ORC5: variants seen among roughly 807,000 people sequenced by gnomAD.
The protein encoded by ORC5 is protein phosphatase 1, regulatory subunit 117.
ORC5 carries 39 observed loss-of-function variants against 58.8 expected under a neutral mutation model. That is an observed-to-expected ratio of 0.66 (90% CI 0.51 to 0.87). ORC5 has a LOEUF of 0.87. Ranked by LOEUF, ORC5 falls within the 40% of genes least tolerant of loss-of-function variation. ORC5 has a pLI of 0.00. For missense variants in ORC5, 493 were observed against 506.3 expected (o/e 0.97, Z 0.25); for synonymous variants, 218 against 177.6 (o/e 1.23, Z -1.81).
chr7:104,174,330 C>T (rs1204766583), intron 8 of ORC5, among the ~76,000 whole-genome samples: 1 of 152,182 alleles, frequency 6.6e-6, no homozygotes, highest in Non-Finnish European at 1.5e-5. Flanking sequence ...ATCTAAAACA[C>T]TGGTCCAAAT....
At chr7:104,203,917 T>C (rs778270443) in intron 2 of ORC5, among the ~76,000 whole-genome samples, 5 of 152,136 alleles carry the variant, frequency 3.3e-5, no homozygotes, top group Non-Finnish European at 7.4e-5. Flanking sequence ...ACTAAGTTTA[T>C]TGATGTGATT....
chr7:104,191,755 C>T (rs1482844876), intron 5 of ORC5, among the ~76,000 whole-genome samples: 1 of 151,814 alleles, frequency 6.6e-6, no homozygotes, highest in African/African-American at 2.4e-5. Context: ...AAGCTGAAAA[C>T]AGTGTATCAT....
chr7:104,185,383 A>G (rs1695016645), intron 6 of ORC5, among the ~76,000 whole-genome samples: 1 of 152,182 alleles, frequency 6.6e-6, no homozygotes, highest in Admixed American at 6.5e-5. Flanking sequence ...GTAACAAAGC[A>G]TAATTTGTTC....
intron 6 of ORC5, among the ~76,000 whole-genome samples, chr7:104,186,992 T>C (rs1455368191): frequency 6.6e-6 from 1 of 152,224 alleles, no homozygotes; most frequent in Non-Finnish European, 1.5e-5. Context: ...TATTTTCCCA[T>C]AAATATTTTC....
At chr7:104,164,080 C>A (rs77587909) in intron 11 of ORC5, among the ~76,000 whole-genome samples, 1 of 152,074 alleles carries the variant, frequency 6.6e-6, no homozygotes, top group South Asian at 2.1e-4. Flanking sequence ...ATTTTGCTAT[C>A]GAATTTTTGT....
At chr7:104,201,956 G>T (rs1799955823) in intron 2 of ORC5, among the ~76,000 whole-genome samples, 1 of 151,958 alleles carries the variant, frequency 6.6e-6, no homozygotes, top group African/African-American at 2.4e-5. Context: ...CAGGCCTGGT[G>T]GTGCACATCT....
chr7:104,174,521 G>C (rs1259206635), intron 8 of ORC5, among the ~76,000 whole-genome samples: 1 of 152,200 alleles, frequency 6.6e-6, no homozygotes, highest in African/African-American at 2.4e-5. Flanking sequence ...AATTGTTACA[G>C]AAGGCAGCTA....
intron 8 of ORC5, among the ~76,000 whole-genome samples, chr7:104,181,334 TC>T (rs1188980410): frequency 1.3e-5 from 2 of 152,188 alleles, no homozygotes; most frequent in Non-Finnish European, 2.9e-5. Context: ...CCCATTTCAT[TC>T]CTCTAAAATT....
chr7:104,197,863 G>T, intron 3 of ORC5, 64 bp from the exon 4 acceptor site: 1 of 1,021,964 alleles, frequency 9.8e-7, no homozygotes, highest in South Asian at 1.6e-5. Context: ...AAAATGACAT[G>T]ATTTGACTAT....
intron 10 of ORC5, chr7:104,165,678 C>G (rs1206994383): frequency 5.6e-6 from 1 of 179,898 alleles, no homozygotes; most frequent in African/African-American, 2.4e-5. Flanking sequence ...TAGTTAAGCA[C>G]AGTTCACATA....
At chr7:104,193,188 T>G (rs748532531) in intron 5 of ORC5, among the ~76,000 whole-genome samples, 2 of 152,186 alleles carry the variant, frequency 1.3e-5, no homozygotes, top group Middle Eastern at 3.4e-3. Flanking sequence ...CTGTTATTTT[T>G]TAAAGCCAAA....
intron 9 of ORC5, 151 bp from the exon 10 acceptor site, chr7:104,167,035 G>A (rs1008782058): frequency 1.3e-4 from 72 of 564,624 alleles, no homozygotes; most frequent in Non-Finnish European, 2.1e-4. Context: ...AATGATGGTC[G>A]TGGTGGTGAT....
rs76325606 is a variant in ORC5, at chr7:104,129,102, C to G, written c.1263-2209G>C. 6.6e-6 allele frequency among the ~76,000 whole-genome samples: 1 copy of G among 151,976 alleles called. No individual in the cohort carries two copies. The highest frequency in any genetic ancestry group is 1.5e-5 in the Non-Finnish European group (1 of 68,004). On this transcript the variant is annotated intron_variant, in intron 13 of 13. Transcript: ENST00000297431. This position sits in a 1 kb window ranked among gnomAD's most constrained non-coding sequence, Gnocchi z 4.9. ...AGAAATAATTGCAAGTAAGTTGTGACGGCTGCAGAGAAATGTTTGTCTAAT... is the reference window on the plus strand; with the variant it reads ...AGAAATAATTGCAAGTAAGTTGTGAGGGCTGCAGAGAAATGTTTGTCTAAT...
In ORC5 at chr7:104,200,952, G is replaced by A. The variant is rs145472478; in HGVS notation, c.172C>T (p.His58Tyr). The stretch of plus-strand genomic sequence containing the variant: ...CATTCAACACAATTCACAAACACAT[G>A]TGGGAGCTGAAAACGAAAACCAAAA... The part of the protein sequence containing the change: ...QTLLKTLELP[H>Y]VFVNCVECFT... The change falls in exon 3 of 14, where the codon CAT becomes TAT. Residue 58 changes from histidine to tyrosine, a missense_variant. This residue lies in a region of ORC5 where 412 missense variants were observed against 403.7 expected (regional missense o/e 1.02). Transcript: ENST00000297431. 4.4e-4 allele frequency: 705 copies of A among 1,612,032 alleles called. No homozygotes were observed. Among genetic ancestry groups the A allele is most frequent in the Non-Finnish European group, 5.4e-4 (631 of 1,178,852 alleles).
chr7:104,155,875 ATTTTT>A (rs1290300344), intron 12 of ORC5, among the ~76,000 whole-genome samples: 1 of 151,410 alleles, frequency 6.6e-6, no homozygotes, highest in Admixed American at 6.6e-5. Context: ...AAATTCCCAT[ATTTTT>A]TTCTTTTAAG....
intron 12 of ORC5, among the ~76,000 whole-genome samples, chr7:104,139,509 T>C (rs929652525): frequency 2.6e-5 from 4 of 152,130 alleles, no homozygotes; most frequent in Admixed American, 1.3e-4. Flanking sequence ...AGTCGATTAC[T>C]TTACTAACAA....
At chr7:104,202,572 T>C in intron 2 of ORC5, 1 of 452,824 alleles carries the variant, frequency 2.2e-6, no homozygotes, top group Non-Finnish European at 4.4e-6. Context: ...ACAATAATCA[T>C]ATATTACACT....
At chr7:104,177,746 C>A (rs1214306274) in intron 8 of ORC5, among the ~76,000 whole-genome samples, 1 of 152,022 alleles carries the variant, frequency 6.6e-6, no homozygotes, top group African/African-American at 2.4e-5. Flanking sequence ...CGCAAAAGGC[C>A]CCAGTGTGTG....
At chr7:104,141,770 G>T (rs1798677370) in intron 12 of ORC5, among the ~76,000 whole-genome samples, 2 of 152,148 alleles carry the variant, frequency 1.3e-5, no homozygotes, top group East Asian at 3.9e-4. Flanking sequence ...AATCAAGAAG[G>T]TGAATTATTT....
Sources: gnomAD v4.1 joint callset for allele counts (sites outside exome capture counted in the v4.1 genomes callset) on GRCh38, gnomAD v4.1.1 for gene constraint, gnomAD v4.1.1 regional missense constraint, Gnocchi (gnomAD v3.1) non-coding constraint, MANE v1.5 for transcripts, NCBI Gene and HGNC (gene_info 2026-07-23, HGNC 2026-07-21) for gene names.